The following CNTNAP2 variants were observed in gnomAD, a reference collection of about 807,000 sequenced individuals.
CNTNAP2 encodes contactin-associated protein-like 2.
CNTNAP2 carries 98 observed loss-of-function variants against 155.2 expected under a neutral mutation model. That is an observed-to-expected ratio of 0.63 (90% CI 0.54 to 0.75). The LOEUF is 0.75. Among genes scored for constraint, CNTNAP2 ranks in the 30% least tolerant of loss-of-function variants. CNTNAP2 has a pLI of 0.00. For synonymous variants in CNTNAP2, 651 were observed against 631.2 expected, an observed-to-expected ratio of 1.03 and a Z score of -0.47; for missense variants, 1,727 against 1,688.1, an observed-to-expected ratio of 1.02 and a Z score of -0.40.
At chr7:146,897,049 A>G (rs1439750158) in intron 3 of CNTNAP2, among the ~76,000 whole-genome samples, 1 of 147,868 alleles carries the variant, frequency 6.8e-6, no homozygotes, top group Non-Finnish European at 1.5e-5. Flanking sequence ...TGCCCTGGAC[A>G]GAAATTAGTT....
chr7:148,175,494 C>T (rs918695326), intron 18 of CNTNAP2, among the ~76,000 whole-genome samples: 3 of 152,138 alleles, frequency 2.0e-5, no homozygotes, highest in African/African-American at 7.2e-5. Flanking sequence ...AATCTCAATA[C>T]ATTTAACAAT....
chr7:147,361,111 G>GA (rs570022311), intron 9 of CNTNAP2, among the ~76,000 whole-genome samples: 33 of 151,880 alleles, frequency 2.2e-4, no homozygotes, highest in Non-Finnish European at 4.0e-4. Flanking sequence ...CTAAAATATA[G>GA]AAAACCAAAA....
rs942055861 is a variant in CNTNAP2, at chr7:148,338,898, A to C, written c.3476-44751A>C. On this transcript the variant is annotated intron_variant, in intron 21 of 23. Transcript: ENST00000361727. Reference sequence around the variant, plus strand: ...ACCACCATCAGAAACTGAGTATTACACAGGACGTAACCTGTGCTCTGAGAG... The same window carrying C: ...ACCACCATCAGAAACTGAGTATTACCCAGGACGTAACCTGTGCTCTGAGAG... Among the ~76,000 whole-genome samples the C allele has an allele frequency of 7.2e-5, 11 of 152,254 alleles. No homozygotes were observed. In the East Asian group the frequency reaches 2.1e-3, roughly 29 times the overall value.
chr7:147,269,421 AC>A (rs1303645932), intron 8 of CNTNAP2, among the ~76,000 whole-genome samples: 4 of 152,122 alleles, frequency 2.6e-5, no homozygotes, highest in African/African-American at 9.7e-5. Context: ...TGCAATCCAG[AC>A]CCTGTAACAT....
At chr7:146,475,305 C>G (rs1223503012) in intron 1 of CNTNAP2, among the ~76,000 whole-genome samples, 4 of 152,030 alleles carry the variant, frequency 2.6e-5, no homozygotes, top group Admixed American at 2.6e-4. Context: ...GGGCTAGTGT[C>G]TTAAAGGGAG....
intron 12 of CNTNAP2, among the ~76,000 whole-genome samples, chr7:147,607,151 G>C (rs1038097042): frequency 6.6e-6 from 1 of 152,282 alleles, no homozygotes; most frequent in African/African-American, 2.4e-5. Flanking sequence ...GCAGTGACTA[G>C]AGACTGAGTC....
chr7:146,781,239 A>C (rs1802482965), intron 2 of CNTNAP2, among the ~76,000 whole-genome samples: 1 of 151,332 alleles, frequency 6.6e-6, no homozygotes, highest in Non-Finnish European at 1.5e-5. Context: ...AAAAAAAAAA[A>C]ACAAAAAAAA....
intron 13 of CNTNAP2, among the ~76,000 whole-genome samples, chr7:147,746,825 T>C (rs1397047171): frequency 6.6e-6 from 1 of 152,126 alleles, no homozygotes; most frequent in Non-Finnish European, 1.5e-5. Context: ...TTTACCACAC[T>C]CTCTGAGAAT....
chr7:148,122,610 G>A (rs1011352169), intron 16 of CNTNAP2, among the ~76,000 whole-genome samples: 7 of 152,162 alleles, frequency 4.6e-5, no homozygotes, highest in African/African-American at 1.7e-4. Flanking sequence ...GGGAGCATCT[G>A]ACTCAACATG....
At chr7:147,300,014 G>C (rs1794912260) in intron 8 of CNTNAP2, 127 bp from the exon 9 acceptor site, 1 of 983,292 alleles carries the variant, frequency 1.0e-6, no homozygotes, top group Non-Finnish European at 1.5e-6. Flanking sequence ...AGTTTGAATT[G>C]TAAGCAGCAC....
At chr7:146,826,853 T>TAGAGAG (rs1479252509) in intron 2 of CNTNAP2, among the ~76,000 whole-genome samples, 37 of 140,718 alleles carry the variant, frequency 2.6e-4, no homozygotes, top group African/African-American at 9.7e-4. Context: ...TATATATATA[T>TAGAGAG]ATATAGAGAG....
intron 10 of CNTNAP2, among the ~76,000 whole-genome samples, chr7:147,439,033 C>A (rs1235634773): frequency 6.6e-6 from 1 of 151,930 alleles, no homozygotes; most frequent in African/African-American, 2.4e-5. Context: ...TTTCAAAAAA[C>A]CAACTTTTTA....
chr7:146,991,862 A>AT (rs2129238953), intron 3 of CNTNAP2, among the ~76,000 whole-genome samples: 1 of 152,294 alleles, frequency 6.6e-6, no homozygotes, highest in South Asian at 2.1e-4. Context: ...AGAATAAGTG[A>AT]TTATGCATTG....
At chr7:147,729,416 G>GCA (rs1287265692) in intron 13 of CNTNAP2, among the ~76,000 whole-genome samples, 4 of 45,128 alleles carry the variant, frequency 8.9e-5, no homozygotes, top group South Asian at 1.2e-3. Context: ...GCACACACAC[G>GCA]CACACACACA....
intron 20 of CNTNAP2, among the ~76,000 whole-genome samples, chr7:148,235,787 G>A (rs1487735756): frequency 2.0e-5 from 3 of 147,420 alleles, no homozygotes; most frequent in Non-Finnish European, 3.0e-5. Flanking sequence ...CCGGGTTCAA[G>A]TGAATCTCCT....
chr7:148,369,211 T>A (rs200987679), intron 21 of CNTNAP2, among the ~76,000 whole-genome samples: 1 of 94,170 alleles, frequency 1.1e-5, no homozygotes, highest in Non-Finnish European at 2.3e-5. Context: ...TTTTTTTTTT[T>A]GTCTTTTGTG....
intron 3 of CNTNAP2, among the ~76,000 whole-genome samples, chr7:146,967,769 A>T (rs1027294642): frequency 2.0e-5 from 3 of 152,102 alleles, no homozygotes; most frequent in African/African-American, 7.2e-5. Context: ...GGACAATTTA[A>T]CTTCCTCTTT....
intron 11 of CNTNAP2, among the ~76,000 whole-genome samples, chr7:147,504,450 A>G (rs866913181): frequency 6.6e-6 from 1 of 152,108 alleles, no homozygotes; most frequent in Admixed American, 6.5e-5. Context: ...GCACTTTGGG[A>G]GGCCGAGGCG....
chr7:148,115,078 T>G (rs146587429), intron 15 of CNTNAP2, among the ~76,000 whole-genome samples: 1,757 of 152,276 alleles, frequency 0.012, 40 homozygotes, highest in African/African-American at 0.04. Context: ...GAAAAACCAT[T>G]TGTACAAGGC....
Sources: gnomAD v4.1 joint callset for allele counts (sites outside exome capture counted in the v4.1 genomes callset) on GRCh38, gnomAD v4.1.1 for gene constraint, MANE v1.5 for transcripts, NCBI Gene and HGNC (gene_info 2026-07-23, HGNC 2026-07-21) for gene names.